Variants in FSTL5 observed in about 807,000 individuals in gnomAD.
FSTL5 encodes follistatin like 5.
A neutral mutation model predicts 89.1 loss-of-function variants in FSTL5; 62 were observed. The observed-to-expected ratio is 0.70, with a 90% CI of 0.57 to 0.86. The LOEUF is 0.86. Among genes scored for constraint, FSTL5 ranks in the 40% least tolerant of loss-of-function variants. The pLI, the probability that FSTL5 is intolerant of heterozygous loss-of-function variation, is 0.00. For synonymous variants in FSTL5, 383 were observed against 346.2 expected, an observed-to-expected ratio of 1.11 and a Z score of -1.18; for missense variants, 1,057 against 1,001.6, an observed-to-expected ratio of 1.06 and a Z score of -0.75.
At chr4:162,102,162 A>G (rs1731020869) in intron 2 of FSTL5, among the ~76,000 whole-genome samples, 1 of 152,094 alleles carries the variant, frequency 6.6e-6, no homozygotes, top group Non-Finnish European at 1.5e-5. Flanking sequence ...AGAAAAGACA[A>G]AGAGATCTAA....
chr4:161,667,841 C>T (rs889823725), intron 6 of FSTL5, among the ~76,000 whole-genome samples: 2 of 151,876 alleles, frequency 1.3e-5, no homozygotes, highest in Non-Finnish European at 2.9e-5. Flanking sequence ...GATGGAAGGA[C>T]TTCAAGTCCT....
chr4:162,074,150 C>A (rs1047117697), intron 2 of FSTL5, among the ~76,000 whole-genome samples: 1 of 151,628 alleles, frequency 6.6e-6, no homozygotes, highest in African/African-American at 2.4e-5. Context: ...TAGTAATTCC[C>A]AGGACAGAAG....
rs201805982 is a variant in FSTL5, at chr4:161,958,308, G to A, written c.161-37656C>T. 1.1e-4 allele frequency among the ~76,000 whole-genome samples: 17 copies of A among 152,068 alleles called. No individual in the cohort carries two copies. The East Asian group carries it at 3.3e-3, about 29-fold the overall frequency. On this transcript the variant is annotated intron_variant, in intron 3 of 15. Transcript: ENST00000306100. ...CTACTAATTCTATCATTGCTGTCAT[G>A]TCTATGTTCATTGTAACTACTGATA...
chr4:161,681,854 TC>T (rs1475179039), intron 6 of FSTL5, among the ~76,000 whole-genome samples: 3 of 152,146 alleles, frequency 2.0e-5, no homozygotes, highest in Admixed American at 1.3e-4. Context: ...TTATGTTTAG[TC>T]ATGTATCACT....
chr4:162,075,877 C>G (rs985056477), intron 2 of FSTL5, among the ~76,000 whole-genome samples: 1 of 151,844 alleles, frequency 6.6e-6, no homozygotes, highest in Admixed American at 6.6e-5. Flanking sequence ...ATCATCCCAG[C>G]TTCAGAAGTC....
At chr4:161,715,102 A>G (rs890857823) in intron 6 of FSTL5, among the ~76,000 whole-genome samples, 5 of 152,184 alleles carry the variant, frequency 3.3e-5, no homozygotes, top group Admixed American at 6.5e-5. Context: ...TGCTATGATG[A>G]GAAACACATG....
chr4:161,888,187 A>C (rs1031889781), intron 4 of FSTL5, among the ~76,000 whole-genome samples: 5 of 152,096 alleles, frequency 3.3e-5, no homozygotes, highest in Non-Finnish European at 5.9e-5. Flanking sequence ...CCTCCCTTGA[A>C]GTTAGGTGTA....
At chr4:162,044,446 G>A (rs778559248) in intron 2 of FSTL5, among the ~76,000 whole-genome samples, 1 of 152,060 alleles carries the variant, frequency 6.6e-6, no homozygotes, top group Non-Finnish European at 1.5e-5. Context: ...TTCTTCTTTC[G>A]TTTATAGAGC....
chr4:161,448,761 C>T (rs944858338), intron 15 of FSTL5, among the ~76,000 whole-genome samples: 1 of 152,150 alleles, frequency 6.6e-6, no homozygotes, highest in Non-Finnish European at 1.5e-5. Flanking sequence ...CCTTACTACC[C>T]CCATTTGGCT....
At chr4:161,714,292 T>C (rs1166278872) in intron 6 of FSTL5, among the ~76,000 whole-genome samples, 1 of 152,206 alleles carries the variant, frequency 6.6e-6, no homozygotes, top group African/African-American at 2.4e-5. Context: ...CTGAAATTCA[T>C]ATTCCATTAA....
At chr4:162,114,416 T>C (rs1169801336) in intron 1 of FSTL5, among the ~76,000 whole-genome samples, 2 of 152,106 alleles carry the variant, frequency 1.3e-5, no homozygotes, top group East Asian at 3.9e-4. Context: ...CCACCCTGAC[T>C]GAGTACAAGT....
intron 2 of FSTL5, among the ~76,000 whole-genome samples, chr4:162,097,880 T>C (rs562673129): frequency 1.3e-5 from 2 of 152,082 alleles, no homozygotes; most frequent in South Asian, 4.1e-4. Flanking sequence ...TGGAAAATTG[T>C]ACATCTATAG....
chr4:161,406,854 G>T (rs549042966), intron 15 of FSTL5, among the ~76,000 whole-genome samples: 1 of 152,214 alleles, frequency 6.6e-6, no homozygotes, highest in South Asian at 2.1e-4. Context: ...AGAATAGGGT[G>T]GATAGAGTGT....
At chr4:161,562,271 C>T (rs1301304912) in intron 8 of FSTL5, among the ~76,000 whole-genome samples, 1 of 151,896 alleles carries the variant, frequency 6.6e-6, no homozygotes, top group Non-Finnish European at 1.5e-5. Flanking sequence ...TGTGAGTTCC[C>T]CAGGTTTGTT....
chr4:161,779,778 T>TACAC (rs1560840773), intron 4 of FSTL5, among the ~76,000 whole-genome samples: 2 of 55,662 alleles, frequency 3.6e-5, no homozygotes, highest in South Asian at 1.4e-3. Flanking sequence ...TATATATGTA[T>TACAC]ATATATATAT....
intron 15 of FSTL5, among the ~76,000 whole-genome samples, chr4:161,448,238 C>G (rs1733020658): frequency 6.6e-6 from 1 of 151,990 alleles, no homozygotes; most frequent in African/African-American, 2.4e-5. Context: ...TTTTCATCTA[C>G]AAAACATTTT....
intron 3 of FSTL5, among the ~76,000 whole-genome samples, chr4:161,941,576 G>A (rs561503631): frequency 6.6e-6 from 1 of 151,814 alleles, no homozygotes; most frequent in East Asian, 1.9e-4. Flanking sequence ...ATTGGTAAAA[G>A]GATCAATTCA....
In FSTL5 at chr4:161,938,403, T is replaced by A. The variant is rs187590377; in HGVS notation, c.161-17751A>T. ...ACTAAAATTTAAAATATTTTACAGT[T>A]TTATAGATGTATGCCATTTAAAAGT... On this transcript the variant is annotated intron_variant, in intron 3 of 15. Coordinates refer to ENST00000306100, the MANE Select transcript of FSTL5 (RefSeq NM_020116.5). 2.1e-3 allele frequency among the ~76,000 whole-genome samples: 312 copies of A among 152,158 alleles called. 1 individual carries two copies. Among genetic ancestry groups the A allele is most frequent in the African/African-American group, 7.1e-3 (295 of 41,550 alleles).
intron 12 of FSTL5, among the ~76,000 whole-genome samples, chr4:161,484,786 A>G (rs1379639953): frequency 6.6e-6 from 1 of 152,176 alleles, no homozygotes; most frequent in Non-Finnish European, 1.5e-5. Flanking sequence ...AAAAACATGA[A>G]TAGGAGAGAA....
Sources: allele counts gnomAD v4.1 joint callset (sites outside exome capture counted in the v4.1 genomes callset), GRCh38; gene constraint gnomAD v4.1.1; transcripts MANE v1.5; gene names NCBI Gene and HGNC (gene_info 2026-07-23, HGNC 2026-07-21).